FAM204A: variants seen among roughly 807,000 people sequenced by gnomAD.
FAM204A encodes the protein protein FAM204A.
Under a neutral mutation model 35.4 loss-of-function variants are expected in FAM204A, and 16 were observed. The ratio of observed to expected loss-of-function variants is 0.45; its 90% CI spans 0.31 to 0.69. FAM204A has a LOEUF of 0.69. FAM204A is among the 30% of genes least tolerant of loss of function. The pLI, the probability that FAM204A is intolerant of heterozygous loss-of-function variation, is 0.07. For synonymous variants in FAM204A, 76 were observed against 86.9 expected (o/e 0.88, Z 0.70); for missense variants, 240 against 265.7 (o/e 0.90, Z 0.67).
At chr10:118,321,352 C>T (rs1394968558) in intron 7 of FAM204A, among the ~76,000 whole-genome samples, 1 of 152,050 alleles carries the variant, frequency 6.6e-6, no homozygotes, top group Admixed American at 6.6e-5. Context: ...CTTGATTATT[C>T]TTCACGGGTA....
In FAM204A at chr10:118,306,313, T is replaced by C. The variant is rs1173385309; in HGVS notation, c.*4544A>G. 1 of 152,162 alleles carries C rather than the reference T, an allele frequency of 6.6e-6. No individual in the cohort carries two copies. The highest frequency in any genetic ancestry group is 1.9e-4 in the East Asian group (1 of 5,198). 9.4% of individuals were successfully genotyped at this position (152,162 alleles called of 1,614,324 possible). On this transcript the variant is annotated 3_prime_UTR_variant, in exon 9 of 9. Coordinates refer to ENST00000369183, the MANE Select transcript of FAM204A (RefSeq NM_022063.3). ...CAGGGGAGCACTTAGGAGCCGAGGT[T>C]TCTCTTGGGCACTACCCTCCCTTCC...
chr10:118,310,916 G>A lies in FAM204A; in HGVS notation c.651-8C>T. 1.3e-6 allele frequency: 2 copies of A among 1,577,842 alleles called. No homozygotes were observed. Among genetic ancestry groups the A allele is most frequent in the Non-Finnish European group, 1.7e-6 (2 of 1,161,410 alleles). On this transcript the variant is annotated splice_polypyrimidine_tract_variant and splice_region_variant and intron_variant, in intron 8 of 8. Transcript: ENST00000369183. The stretch of plus-strand genomic sequence containing the variant: ...CTCTTCTTTGCTTCAAACCTAAAAG[G>A]AAGAACATACAAATCTCAATTTATT...
rs1845875256 is a variant in FAM204A, at chr10:118,307,124, ACT to A, written c.*3731_*3732del. ...CTAATTTAAATTTGAAAACCTAGAT[ACT>A]CTGATTACCTCATAATAAAAATCAC... On this transcript the variant is annotated 3_prime_UTR_variant, in exon 9 of 9. Coordinates refer to ENST00000369183, the MANE Select transcript of FAM204A (RefSeq NM_022063.3). 1 of 152,190 alleles carries A rather than the reference ACT, an allele frequency of 6.6e-6. No homozygotes were observed. Among genetic ancestry groups the A allele is most frequent in the East Asian group, 1.9e-4 (1 of 5,176 alleles). The allele number at this position is 152,190 out of a possible 1,614,324, so 9.4% of individuals were successfully genotyped here.
At chr10:118,332,173 G>GAAAAAAAAAAAA (rs59564428) in intron 6 of FAM204A, among the ~76,000 whole-genome samples, 14,136 of 53,858 alleles carry the variant, frequency 0.26, 4,640 homozygotes, top group South Asian at 0.43. Context: ...CTCTGTTTCA[G>GAAAAAAAAAAAA]AAAAAAAAAA....
rs1390062790 is a variant in FAM204A at position 118,310,261 on chromosome 10, G to A, written c.*596C>T. 6.6e-6 allele frequency: 1 copy of A among 151,336 alleles called. No individual in the cohort carries two copies. Among genetic ancestry groups the A allele is most frequent in the Non-Finnish European group, 1.5e-5 (1 of 68,028 alleles). The allele number at this position is 151,336 out of a possible 1,614,324, so 9.4% of individuals were successfully genotyped here. On this transcript the variant is annotated 3_prime_UTR_variant, in exon 9 of 9. Coordinates refer to ENST00000369183, the MANE Select transcript of FAM204A (RefSeq NM_022063.3). ...GGCAGAGGCAGGTGAATCATATGAG[G>A]CCAGGAGTTCAAGACCAGCCTGACC...
intron 7 of FAM204A, among the ~76,000 whole-genome samples, chr10:118,325,263 C>A (rs1233393645): frequency 6.6e-6 from 1 of 152,098 alleles, no homozygotes; most frequent in East Asian, 1.9e-4. Flanking sequence ...AAGAGTGCAA[C>A]AGTATTTCCA....
In FAM204A at chr10:118,298,154, G is replaced by A. The variant is rs941965318; in HGVS notation, c.*12703C>T. ...GTGGGAGTGAGAGAGCTAACGTTAC[G>A]TGTGGCTTTAAATTTTTGAGCCCCA... is the stretch of plus-strand genomic sequence containing the variant. On this transcript the variant is annotated 3_prime_UTR_variant, in exon 9 of 9. Coordinates refer to ENST00000369183, the MANE Select transcript of FAM204A (RefSeq NM_022063.3). The A allele has an allele frequency of 1.2e-4, 18 of 152,118 alleles. No homozygotes were observed. The highest frequency in any genetic ancestry group is 3.9e-4 in the African/African-American group (16 of 41,406). 9.4% of individuals were successfully genotyped at this position (152,118 alleles called of 1,614,324 possible). A position where few individuals can be genotyped will look rare whatever the true frequency, so the allele number is the denominator to read the frequency against.
chr10:118,311,081 A>C, intron 8 of FAM204A, 126 bp downstream of exon 8: 1 of 1,050,054 alleles, frequency 9.5e-7, no homozygotes, highest in African/African-American at 1.6e-5. Flanking sequence ...ATAATCTGAT[A>C]AACATTCAAC....
intron 2 of FAM204A, among the ~76,000 whole-genome samples, chr10:118,340,356 A>C (rs1258611504): frequency 6.6e-6 from 1 of 152,250 alleles, no homozygotes; most frequent in Non-Finnish European, 1.5e-5. Flanking sequence ...AGTCCTGAGC[A>C]ACATAATTAG....
chr10:118,311,551 A>C (rs965063492), intron 7 of FAM204A: 1 of 393,730 alleles, frequency 2.5e-6, no homozygotes, highest in Non-Finnish European at 4.4e-6. Context: ...AATCCTTCTC[A>C]AACTGAGGCC....
At position 118,307,316 on chromosome 10, in the gene FAM204A, GA is replaced by G. The variant is rs1845878982; in HGVS notation, c.*3540del. 1.3e-5 allele frequency: 2 copies of G among 152,184 alleles called. No homozygotes were observed. The highest frequency in any genetic ancestry group is 2.1e-4 in the South Asian group (1 of 4,836). 9.4% of individuals were successfully genotyped at this position (152,184 alleles called of 1,614,324 possible). On this transcript the variant is annotated 3_prime_UTR_variant, in exon 9 of 9. Coordinates refer to ENST00000369183, the MANE Select transcript of FAM204A (RefSeq NM_022063.3). ...GTCCAAATATTACTATTTGTTTCAT[GA>G]AAGTCAGAGCTAAGACTTTAGTAGA...
chr10:118,324,483 A>G (rs747906753), intron 7 of FAM204A, among the ~76,000 whole-genome samples: 108 of 152,254 alleles, frequency 7.1e-4, no homozygotes, highest in Middle Eastern at 3.2e-3. Flanking sequence ...TAACAAGTAC[A>G]TACAATGGAG....
chr10:118,335,678 C>T, intron 3 of FAM204A, 37 bp from the exon 4 acceptor site: 1 of 1,446,938 alleles, frequency 6.9e-7, no homozygotes, highest in Admixed American at 2.0e-5. Context: ...AGCAAATATA[C>T]TTTCCAGAAA....
chr10:118,312,903 G>C (rs1845975704), intron 7 of FAM204A, among the ~76,000 whole-genome samples: 1 of 152,174 alleles, frequency 6.6e-6, no homozygotes, highest in African/African-American at 2.4e-5. Flanking sequence ...CTGTGGGGCT[G>C]GGGAGGAGTT....
Position 118,309,432 on chromosome 10 carries a change from T to C in FAM204A, c.*1425A>G, listed in dbSNP as rs889874934. ...ATGATTCATTTTACATGTTTCTGAA[T>C]TTATATTATCAACCCAGAGAAAGTT... On this transcript the variant is annotated 3_prime_UTR_variant, in exon 9 of 9. Transcript: ENST00000369183. 3 of 152,194 alleles carry C rather than the reference T, an allele frequency of 2.0e-5. No homozygotes were observed. Among genetic ancestry groups the C allele is most frequent in the Non-Finnish European group, 4.4e-5 (3 of 68,030 alleles). The allele number at this position is 152,194 out of a possible 1,614,324, so 9.4% of individuals were successfully genotyped here. A position where few individuals can be genotyped will look rare whatever the true frequency, so the allele number is the denominator to read the frequency against.
At chr10:118,319,567 C>A (rs1694219163) in intron 7 of FAM204A, among the ~76,000 whole-genome samples, 1 of 151,906 alleles carries the variant, frequency 6.6e-6, no homozygotes, top group Non-Finnish European at 1.5e-5. Context: ...TTTTGATACA[C>A]CGTGGTTATA....
At chr10:118,327,917 C>T (rs1466589333) in intron 6 of FAM204A, among the ~76,000 whole-genome samples, 1 of 152,166 alleles carries the variant, frequency 6.6e-6, no homozygotes, top group East Asian at 1.9e-4. Flanking sequence ...GGGCTATAAT[C>T]ACACCACTGC....
rs551868619 is a variant in FAM204A, at chr10:118,309,688, T to C, written c.*1169A>G. 1.3e-5 allele frequency: 2 copies of C among 152,338 alleles called. No individual in the cohort carries two copies. The highest frequency in any genetic ancestry group is 4.8e-5 in the African/African-American group (2 of 41,574). 9.4% of individuals were successfully genotyped at this position (152,338 alleles called of 1,614,324 possible). ...GTTACCAATCCTCTCTTTCTGCTCA[T>C]TAATTCATTCAATCTTTTAAGGAGG... is the stretch of plus-strand genomic sequence containing the variant. On this transcript the variant is annotated 3_prime_UTR_variant, in exon 9 of 9. Coordinates refer to ENST00000369183, the MANE Select transcript of FAM204A (RefSeq NM_022063.3).
In FAM204A at chr10:118,307,840, T is replaced by C. The variant is rs1047678296; in HGVS notation, c.*3017A>G. On this transcript the variant is annotated 3_prime_UTR_variant, in exon 9 of 9. Transcript: ENST00000369183. ...AAAAGTTCAGATAACATTTTATTCC[T>C]ATCCTTAGCCTGCTGCTCCCTTATC... The C allele has an allele frequency of 1.1e-4, 16 of 152,356 alleles. No homozygotes were observed. The highest frequency in any genetic ancestry group is 3.8e-4 in the African/African-American group (16 of 41,588). 9.4% of individuals were successfully genotyped at this position (152,356 alleles called of 1,614,324 possible).
Sources: allele counts gnomAD v4.1 joint callset (sites outside exome capture counted in the v4.1 genomes callset), GRCh38; gene constraint gnomAD v4.1.1; transcripts MANE v1.5; gene names NCBI Gene and HGNC (gene_info 2026-07-23, HGNC 2026-07-21).